Variants in PLD1 observed in about 807,000 individuals in gnomAD.
PLD1 encodes the protein phospholipase D1.
In PLD1, 112 loss-of-function variants were observed where a neutral mutation model predicts 137.1. The observed-to-expected ratio is 0.82, with a 90% confidence interval of 0.70 to 0.96. The LOEUF (loss-of-function observed/expected upper bound fraction) is 0.96, where lower values mean the gene tolerates loss of function less well. Among genes scored for constraint, PLD1 ranks in the 40% least tolerant of loss-of-function variants. The pLI is 0.00. For synonymous variants in PLD1, 431 were observed against 454.7 expected (o/e 0.95, Z 0.66); for missense variants, 1,321 against 1,342.0 (o/e 0.98, Z 0.24).
intron 23 of PLD1, among the ~76,000 whole-genome samples, chr3:171,627,778 T>C (rs1393740080): frequency 6.6e-6 from 1 of 152,034 alleles, no homozygotes; most frequent in Non-Finnish European, 1.5e-5. Context: ...CATAACGAAA[T>C]GAAGGCAGAA....
At chr3:171,759,077 T>A (rs907469863) in intron 1 of PLD1, among the ~76,000 whole-genome samples, 2 of 132,228 alleles carry the variant, frequency 1.5e-5, no homozygotes, top group Admixed American at 1.6e-4. Flanking sequence ...AAGGCCACTT[T>A]TTCCTTTTAA....
intron 1 of PLD1, among the ~76,000 whole-genome samples, chr3:171,806,342 C>T (rs1723847807): frequency 6.6e-6 from 1 of 152,188 alleles, no homozygotes; most frequent in South Asian, 2.1e-4. Flanking sequence ...TTTTACACTG[C>T]ACTGTGAATT....
intron 1 of PLD1, among the ~76,000 whole-genome samples, chr3:171,794,164 T>C (rs1221940385): frequency 6.7e-6 from 1 of 149,056 alleles, no homozygotes; most frequent in Non-Finnish European, 1.5e-5. Flanking sequence ...AAAAGAAAAG[T>C]ACTGTACAAT....
chr3:171,661,439 A>G (rs958880815), intron 20 of PLD1, among the ~76,000 whole-genome samples: 3 of 152,092 alleles, frequency 2.0e-5, no homozygotes, highest in Admixed American at 6.6e-5. Context: ...AACTATTTTT[A>G]TATTCACTTT....
chr3:171,604,431 C>T (rs757535822), intron 26 of PLD1, among the ~76,000 whole-genome samples: 4 of 150,462 alleles, frequency 2.7e-5, no homozygotes, highest in Non-Finnish European at 5.9e-5. Flanking sequence ...AGAAAAATTG[C>T]GTATTTTCCC....
At chr3:171,717,922 G>T (rs1717796696) in intron 8 of PLD1, among the ~76,000 whole-genome samples, 1 of 152,198 alleles carries the variant, frequency 6.6e-6, no homozygotes, top group African/African-American at 2.4e-5. Flanking sequence ...GTTTATTGAG[G>T]GTTGTTAAAA....
In PLD1 at chr3:171,737,662, A is replaced by T; in HGVS notation, c.161-3T>A. On this transcript the variant is annotated splice_polypyrimidine_tract_variant and splice_region_variant and intron_variant, in intron 2 of 26. Transcript: ENST00000351298. ...AATAGCAGAGAAAGGGATATACACT[A>T]AAAAAAAAAGTAAATAAAGTTAATG... 1 of 1,009,710 alleles carries T rather than the reference A, an allele frequency of 9.9e-7. No homozygotes were observed. The highest frequency in any genetic ancestry group is 1.4e-6 in the Non-Finnish European group (1 of 718,102). The allele number at this position is 1,009,710 out of a possible 1,614,324, so 62.5% of individuals were successfully genotyped here. A position where few individuals can be genotyped will look rare whatever the true frequency, so the allele number is the denominator to read the frequency against.
At chr3:171,670,915 T>C (rs988567408) in intron 19 of PLD1, among the ~76,000 whole-genome samples, 4 of 152,262 alleles carry the variant, frequency 2.6e-5, no homozygotes, top group Non-Finnish European at 5.9e-5. Context: ...ATCATAACTA[T>C]AGCAGGAGGA....
At chr3:171,661,967 T>C (rs1482608691) in intron 20 of PLD1, 93 bp downstream of exon 20, 1 of 647,236 alleles carries the variant, frequency 1.5e-6, no homozygotes, top group Non-Finnish European at 2.8e-6. Flanking sequence ...TACTTATTAA[T>C]ATGAGGGGTC....
intron 23 of PLD1, among the ~76,000 whole-genome samples, chr3:171,634,277 A>C (rs1309009370): frequency 1.3e-5 from 2 of 152,218 alleles, no homozygotes; most frequent in Non-Finnish European, 2.9e-5. Flanking sequence ...AAAAGGGTCC[A>C]GAGCCAAAGG....
At chr3:171,789,530 G>A (rs1723140587) in intron 1 of PLD1, 1 of 152,112 alleles carries the variant, frequency 6.6e-6, no homozygotes, top group East Asian at 1.9e-4. Flanking sequence ...GCCAGAGTGG[G>A]AATATCTGTA....
Position 171,601,220 on chromosome 3 carries a change from A to AG in PLD1, c.*1857dup, listed in dbSNP as rs899163136. On this transcript the variant is annotated 3_prime_UTR_variant, in exon 27 of 27. Coordinates refer to ENST00000351298, the MANE Select transcript of PLD1 (RefSeq NM_002662.5). ...CAGTTTCCTCATCTATAAAATGGGG[A>AG]GAAATTGGATTAAATTACTTATAAG... 63 of 152,348 alleles carry AG rather than the reference A, an allele frequency of 4.1e-4. No homozygotes were observed. The highest frequency in any genetic ancestry group is 1.5e-3 in the African/African-American group (61 of 41,572). The allele number at this position is 152,348 out of a possible 1,614,324, so 9.4% of individuals were successfully genotyped here. A position where few individuals can be genotyped will look rare whatever the true frequency, so the allele number is the denominator to read the frequency against.
At chr3:171,710,396 C>T (rs1263145032) in intron 9 of PLD1, among the ~76,000 whole-genome samples, 1 of 152,096 alleles carries the variant, frequency 6.6e-6, no homozygotes, top group African/African-American at 2.4e-5. Context: ...AATTTTTCCA[C>T]GGATGATGGG....
intron 4 of PLD1, 66 bp from the exon 5 acceptor site, chr3:171,735,036 T>A (rs1032326181): frequency 5.7e-6 from 5 of 874,418 alleles, no homozygotes; most frequent in Non-Finnish European, 9.4e-6. Context: ...CTTTAGTATG[T>A]CTTTCATGAG....
At chr3:171,750,809 T>A (rs1278067655) in intron 1 of PLD1, among the ~76,000 whole-genome samples, 2 of 152,224 alleles carry the variant, frequency 1.3e-5, no homozygotes, top group African/African-American at 2.4e-5. Flanking sequence ...AATCTACTGA[T>A]TCAAATTCCT....
intron 24 of PLD1, among the ~76,000 whole-genome samples, chr3:171,616,108 G>A (rs142597922): frequency 6.6e-6 from 1 of 152,142 alleles, no homozygotes; most frequent in Non-Finnish European, 1.5e-5. Flanking sequence ...TGAGGCTTGG[G>A]TATGTTCTTT....
chr3:171,611,590 C>G (rs755974638), intron 25 of PLD1: 2 of 518,900 alleles, frequency 3.9e-6, no homozygotes, highest in South Asian at 2.8e-5. Flanking sequence ...TTTGCATCTT[C>G]TTGCCAAAGA....
intron 12 of PLD1, among the ~76,000 whole-genome samples, chr3:171,697,157 A>G (rs1447999717): frequency 6.7e-6 from 1 of 150,298 alleles, no homozygotes; most frequent in Non-Finnish European, 1.5e-5. Flanking sequence ...TAGACACTGT[A>G]TCTTCAAGTG....
At position 171,605,129 on chromosome 3, in the gene PLD1, C is replaced by T. The variant is rs1398836178; in HGVS notation, c.3000+170G>A. 3.3e-5 allele frequency among the ~76,000 whole-genome samples: 5 copies of T among 152,158 alleles called. No homozygotes were observed. The East Asian group carries it at 5.8e-4, about 18-fold the overall frequency. On this transcript the variant is annotated intron_variant, in intron 26 of 26. Coordinates refer to ENST00000351298, the MANE Select transcript of PLD1 (RefSeq NM_002662.5). ...AACCAAAATCCACAATGCTTTTTGC[C>T]TTTGTTTTTCAGGGTCCACAAAGAG...
Sources: gnomAD v4.1 joint callset for allele counts (sites outside exome capture counted in the v4.1 genomes callset) on GRCh38, gnomAD v4.1.1 for gene constraint, MANE v1.5 for transcripts, NCBI Gene and HGNC (gene_info 2026-07-23, HGNC 2026-07-21) for gene names.